Variants in IQCK observed in about 807,000 individuals in gnomAD.
IQCK encodes IQ motif containing K, also known as IQ domain-containing protein K.
In IQCK, 29 loss-of-function variants were observed where a neutral mutation model predicts 28.1. That is an observed-to-expected ratio of 1.03 (90% CI 0.77 to 1.41). The LOEUF is 1.41. Ranked by LOEUF, IQCK falls within the 40% of genes most tolerant of loss-of-function variation. IQCK has a pLI of 0.00. For missense variants in IQCK, 359 were observed against 314.7 expected (o/e 1.14, Z -1.07); for synonymous variants, 113 against 115.1 (o/e 0.98, Z 0.12).
At chr16:19,730,240 G>C (rs960582224) in intron 1 of IQCK, among the ~76,000 whole-genome samples, 190 bp from the exon 2 acceptor site, 5 of 152,332 alleles carry the variant, frequency 3.3e-5, no homozygotes, top group Non-Finnish European at 4.4e-5. Flanking sequence ...ACAGGTGTGA[G>C]CCACCGCACC....
intron 9 of IQCK, among the ~76,000 whole-genome samples, chr16:19,839,555 T>A (rs1459188401): frequency 6.6e-6 from 1 of 152,202 alleles, no homozygotes; most frequent in Non-Finnish European, 1.5e-5. Flanking sequence ...TCTTTCCTAT[T>A]TTGTTCATTG....
At chr16:19,764,197 CT>C (rs1567547992) in intron 6 of IQCK, 85 bp downstream of exon 6, 1 of 1,107,960 alleles carries the variant, frequency 9.0e-7, no homozygotes, top group Non-Finnish European at 1.3e-6. Context: ...AGAGAACAAA[CT>C]GATGTGATCC....
chr16:19,758,277 G>A (rs1006793560), intron 4 of IQCK, among the ~76,000 whole-genome samples: 1 of 152,104 alleles, frequency 6.6e-6, no homozygotes, highest in African/African-American at 2.4e-5. Context: ...CTAAACAACA[G>A]CTGAACAATA....
At chr16:19,811,297 G>T (rs1006641352) in intron 7 of IQCK, among the ~76,000 whole-genome samples, 5 of 152,138 alleles carry the variant, frequency 3.3e-5, no homozygotes, top group Non-Finnish European at 7.4e-5. Context: ...ATTGTACAAT[G>T]ATATGGTCTC....
At chr16:19,802,481 G>A (rs745403163) in intron 7 of IQCK, among the ~76,000 whole-genome samples, 1 of 95,380 alleles carries the variant, frequency 1.0e-5, no homozygotes, top group East Asian at 2.8e-4. Context: ...TATGAAGATC[G>A]AATCAGATGC....
chr16:19,826,421 C>G (rs973151546), intron 7 of IQCK, among the ~76,000 whole-genome samples: 14 of 152,138 alleles, frequency 9.2e-5, no homozygotes, highest in Admixed American at 8.5e-4. Context: ...TCTTGTCGCC[C>G]AGGCTGGAGT....
At chr16:19,720,787 C>T (rs1250782447) in intron 1 of IQCK, among the ~76,000 whole-genome samples, 1 of 152,098 alleles carries the variant, frequency 6.6e-6, no homozygotes, top group Non-Finnish European at 1.5e-5. Context: ...GAGGCCAAGG[C>T]GGGTGGATCA....
chr16:19,755,004 A>G (rs2055033593), intron 4 of IQCK, among the ~76,000 whole-genome samples: 2 of 152,184 alleles, frequency 1.3e-5, no homozygotes, highest in African/African-American at 4.8e-5. Context: ...ATTTTTCTCT[A>G]ATGAAATGCC....
At chr16:19,721,670 C>T (rs1345016190) in intron 1 of IQCK, among the ~76,000 whole-genome samples, 1 of 151,422 alleles carries the variant, frequency 6.6e-6, no homozygotes, top group Non-Finnish European at 1.5e-5. Context: ...ACTGCAACCT[C>T]TGCCTCCCAG....
intron 4 of IQCK, among the ~76,000 whole-genome samples, chr16:19,759,178 C>G (rs1000886473): frequency 2.0e-5 from 3 of 152,100 alleles, no homozygotes; most frequent in Admixed American, 6.6e-5. Context: ...TGCTCACCTG[C>G]TCTGTCCAGT....
chr16:19,813,498 A>G (rs2141070300), intron 7 of IQCK, among the ~76,000 whole-genome samples: 1 of 152,366 alleles, frequency 6.6e-6, no homozygotes, highest in African/African-American at 2.4e-5. Flanking sequence ...ATGCCAGAAG[A>G]CAGGGAAGTG....
intron 4 of IQCK, 144 bp from the exon 5 acceptor site, chr16:19,763,704 A>G: frequency 1.6e-6 from 1 of 642,702 alleles, no homozygotes; most frequent in Non-Finnish European, 2.8e-6. Context: ...CGGTCTCCCA[A>G]AGTGCTGGGA....
chr16:19,771,135 A>G (rs2055314430), intron 6 of IQCK, among the ~76,000 whole-genome samples: 1 of 152,212 alleles, frequency 6.6e-6, no homozygotes, highest in Non-Finnish European at 1.5e-5. Flanking sequence ...TCTGTTGCCC[A>G]GGCTGAACTG....
chr16:19,814,786 CT>C (rs35073247), intron 7 of IQCK, among the ~76,000 whole-genome samples: 1,327 of 122,396 alleles, frequency 0.011, 20 homozygotes, highest in African/African-American at 0.032. Flanking sequence ...TAAAGAGGGT[CT>C]TTTTTTTTTT....
At chr16:19,847,265 G>A (rs2056424671) in intron 9 of IQCK, among the ~76,000 whole-genome samples, 1 of 152,166 alleles carries the variant, frequency 6.6e-6, no homozygotes, top group African/African-American at 2.4e-5. Context: ...GACTCTTTGA[G>A]GATCTGACTA....
intron 6 of IQCK, among the ~76,000 whole-genome samples, chr16:19,771,376 G>A (rs2055319200): frequency 1.3e-5 from 2 of 152,166 alleles, no homozygotes; most frequent in Non-Finnish European, 2.9e-5. Context: ...ACAGTTTTAA[G>A]CCACCATGCC....
chr16:19,779,498 A>G (rs890959770), intron 6 of IQCK, among the ~76,000 whole-genome samples: 3 of 152,138 alleles, frequency 2.0e-5, no homozygotes, highest in East Asian at 1.9e-4. Flanking sequence ...GAATAAAAAT[A>G]TGAAAAGTTT....
chr16:19,738,498 A>G (rs1033755909), intron 4 of IQCK, among the ~76,000 whole-genome samples: 1 of 152,166 alleles, frequency 6.6e-6, no homozygotes, highest in African/African-American at 2.4e-5. Context: ...ACTTGAGTCA[A>G]AGTTACCTGA....
chr16:19,762,378 T>G (rs2055160154), intron 4 of IQCK, among the ~76,000 whole-genome samples: 1 of 152,170 alleles, frequency 6.6e-6, no homozygotes, highest in Non-Finnish European at 1.5e-5. Flanking sequence ...TAAAGCAATA[T>G]ATACAGTTAC....
Sources: allele counts gnomAD v4.1 joint callset (sites outside exome capture counted in the v4.1 genomes callset), GRCh38; gene constraint gnomAD v4.1.1; transcripts MANE v1.5; gene names NCBI Gene and HGNC (gene_info 2026-07-23, HGNC 2026-07-21).